ARHGAP39: variants seen among roughly 807,000 people sequenced by gnomAD.
ARHGAP39 encodes the protein Rho GTPase activating protein 39, also known as rho GTPase-activating protein 39.
Under a neutral mutation model 106.9 loss-of-function variants are expected in ARHGAP39, and 44 were observed. That is an observed-to-expected ratio of 0.41 (90% CI 0.32 to 0.53). The LOEUF (loss-of-function observed/expected upper bound fraction) is 0.53. ARHGAP39 is among the 20% of genes least tolerant of loss of function. ARHGAP39 has a pLI of 0.21. For synonymous variants in ARHGAP39, 768 were observed against 693.2 expected (o/e 1.11, Z -1.69); for missense variants, 1,496 against 1,577.3 (o/e 0.95, Z 0.87).
At chr8:144,624,067 A>G (rs1820875663) in intron 1 of ARHGAP39, among the ~76,000 whole-genome samples, 3 of 152,184 alleles carry the variant, frequency 2.0e-5, no homozygotes, top group Non-Finnish European at 2.9e-5. Context: ...TCCACCCATC[A>G]GAAAGAGCCC....
rs897741455 is a variant in ARHGAP39, at chr8:144,604,054, C to A, written c.80+1481G>T. Among the ~76,000 whole-genome samples the A allele has an allele frequency of 1.3e-5, 2 of 152,234 alleles. No homozygotes were observed. Among genetic ancestry groups the A allele is most frequent in the Admixed American group, 6.5e-5 (1 of 15,290 alleles). On this transcript the variant is annotated intron_variant, in intron 2 of 11. Coordinates refer to ENST00000377307, the MANE Select transcript of ARHGAP39 (RefSeq NM_025251.3). This position sits in a 1 kb window ranked among gnomAD's most constrained non-coding sequence, Gnocchi z 4.1. Reference sequence around the variant, plus strand: ...ACGAACAAACGAATGAACAAGGAGACAGCAGGACTCCTGCTCAGGTCAAGG... The same window carrying A: ...ACGAACAAACGAATGAACAAGGAGAAAGCAGGACTCCTGCTCAGGTCAAGG...
intron 1 of ARHGAP39, among the ~76,000 whole-genome samples, chr8:144,638,725 A>G (rs1466590377): frequency 6.6e-6 from 1 of 152,194 alleles, no homozygotes; most frequent in East Asian, 1.9e-4. Context: ...TTAAGTCCCT[A>G]GTACCTCAAT....
chr8:144,553,311 T>C (rs1158615845), intron 4 of ARHGAP39, among the ~76,000 whole-genome samples: 1 of 152,138 alleles, frequency 6.6e-6, no homozygotes, highest in African/African-American at 2.4e-5. Flanking sequence ...AAGCCCTAGA[T>C]CATAGCAAGA....
In ARHGAP39 at chr8:144,642,080, C is replaced by T. The variant is rs181172789; in HGVS notation, c.-81-36385G>A. Among the ~76,000 whole-genome samples, 6 of 152,366 alleles carry T rather than the reference C, an allele frequency of 3.9e-5. No homozygotes were observed. In the East Asian group the frequency reaches 9.6e-4, roughly 24 times the overall value. On this transcript the variant is annotated intron_variant, in intron 1 of 11. Transcript: ENST00000377307. ...ACTAACACAGATGTGGCTTACACCT[C>T]TGATCTCAGCACTTTGGGATGCTGA...
intron 11 of ARHGAP39, 40 bp downstream of exon 11, chr8:144,530,662 G>A (rs759598234): frequency 2.3e-5 from 35 of 1,526,020 alleles, no homozygotes; most frequent in Non-Finnish European, 2.9e-5. Context: ...GGGCGGGGCG[G>A]GGAGGGGAAA....
intron 1 of ARHGAP39, among the ~76,000 whole-genome samples, chr8:144,640,889 C>A (rs1439471719): frequency 6.6e-6 from 1 of 152,214 alleles, no homozygotes; most frequent in Non-Finnish European, 1.5e-5. Flanking sequence ...CCGATTCACA[C>A]AGTTAGTTGT....
At chr8:144,559,105 G>A (rs1248157641) in intron 3 of ARHGAP39, among the ~76,000 whole-genome samples, 2 of 152,066 alleles carry the variant, frequency 1.3e-5, no homozygotes, top group African/African-American at 2.4e-5. Flanking sequence ...CTACTCGGGA[G>A]GCTGAGGCAG....
At chr8:144,668,633 C>T (rs897709262) in intron 1 of ARHGAP39, among the ~76,000 whole-genome samples, 6 of 151,988 alleles carry the variant, frequency 3.9e-5, no homozygotes, top group African/African-American at 1.5e-4. Flanking sequence ...CTGAAAACTA[C>T]AAAACATTGT....
intron 1 of ARHGAP39, among the ~76,000 whole-genome samples, chr8:144,675,303 G>A (rs1412385878): frequency 1.3e-5 from 2 of 152,178 alleles, no homozygotes; most frequent in African/African-American, 4.8e-5. Context: ...CATGATCTCG[G>A]CTAACTGCAA....
rs1816621482 is a variant in ARHGAP39 at position 144,530,270 on chromosome 8, G to A, written c.*152C>T. On this transcript the variant is annotated 3_prime_UTR_variant, in exon 12 of 12. Coordinates refer to ENST00000377307, the MANE Select transcript of ARHGAP39 (RefSeq NM_025251.3). ...GGCTGCACCCTCAGACCAGGCAGAA[G>A]ACGTGGGGAGCGCCGGGGCCAGGGG... is the stretch of plus-strand genomic sequence containing the variant. 2 of 837,666 alleles carry A rather than the reference G, an allele frequency of 2.4e-6. No individual in the cohort carries two copies. Among genetic ancestry groups the A allele is most frequent in the Admixed American group, 2.8e-5 (1 of 35,314 alleles). The allele number at this position is 837,666 out of a possible 1,614,324, so 51.9% of individuals were successfully genotyped here.
At chr8:144,545,131 C>T (rs568381493) in intron 6 of ARHGAP39, 118 bp downstream of exon 6, 73 of 979,730 alleles carry the variant, frequency 7.5e-5, no homozygotes, top group South Asian at 3.0e-4. Flanking sequence ...AGGTGTGTGT[C>T]GAACCATGGC....
intron 1 of ARHGAP39, among the ~76,000 whole-genome samples, chr8:144,665,039 C>T (rs1371198266): frequency 6.6e-6 from 1 of 152,150 alleles, no homozygotes; most frequent in Non-Finnish European, 1.5e-5. Flanking sequence ...GACAAAAATG[C>T]CGATAGTGAT....
intron 3 of ARHGAP39, among the ~76,000 whole-genome samples, chr8:144,559,406 T>C (rs1002524610): frequency 1.5e-5 from 2 of 136,502 alleles, no homozygotes; most frequent in Admixed American, 1.5e-4. Context: ...AGCAGTGTAG[T>C]ACTAGTAGAT....
chr8:144,669,506 C>CAAAAAAAAAAAAAAAAAAAAAAAAAAA (rs55678140), intron 1 of ARHGAP39, among the ~76,000 whole-genome samples: 2 of 59,746 alleles, frequency 3.3e-5, no homozygotes, highest in African/African-American at 1.3e-4. Context: ...GACTCGGTCT[C>CAAAAAAAAAAAAAAAAAAAAAAAAAAA]AAAAAAAAAA....
chr8:144,559,146 T>TA (rs1818049920), intron 3 of ARHGAP39, among the ~76,000 whole-genome samples: 1 of 151,790 alleles, frequency 6.6e-6, no homozygotes, highest in South Asian at 2.1e-4. Context: ...GGGCAGAGCT[T>TA]ACAGTGAGCC....
intron 3 of ARHGAP39, among the ~76,000 whole-genome samples, chr8:144,569,359 T>C (rs895212997): frequency 3.3e-5 from 5 of 152,254 alleles, no homozygotes; most frequent in Non-Finnish European, 5.9e-5. Context: ...TGAATGTTCA[T>C]AGCAGTTTTA....
chr8:144,530,975 C>G lies in ARHGAP39; in HGVS notation c.2981-104G>C, dbSNP rs538116327. 3.6e-6 allele frequency: 5 copies of G among 1,403,554 alleles called. No homozygotes were observed. The South Asian group carries it at 4.1e-5, about 12-fold the overall frequency. The allele number at this position is 1,403,554 out of a possible 1,614,324, so 86.9% of individuals were successfully genotyped here. Reference sequence around the variant, plus strand: ...ATGGAGGGGTGCTGTGGGGGACAGGCTGGGAGGGCCGGCTCATTCTGGACA... The same window carrying G: ...ATGGAGGGGTGCTGTGGGGGACAGGGTGGGAGGGCCGGCTCATTCTGGACA... On this transcript the variant is annotated intron_variant, in intron 10 of 11. Coordinates refer to ENST00000377307, the MANE Select transcript of ARHGAP39 (RefSeq NM_025251.3).
intron 2 of ARHGAP39, among the ~76,000 whole-genome samples, chr8:144,590,724 T>A (rs1057441900): frequency 6.6e-6 from 1 of 151,270 alleles, no homozygotes; most frequent in Admixed American, 6.6e-5. Context: ...ACTGAAGGGG[T>A]CTTTGTCAGC....
chr8:144,629,878 T>A (rs1421723453), intron 1 of ARHGAP39, among the ~76,000 whole-genome samples: 1 of 151,850 alleles, frequency 6.6e-6, no homozygotes, highest in Non-Finnish European at 1.5e-5. Context: ...TGGGGGCACA[T>A]CCTGAGGGAT....
Sources: allele counts gnomAD v4.1 joint callset (sites outside exome capture counted in the v4.1 genomes callset), GRCh38; gene constraint gnomAD v4.1.1; non-coding constraint Gnocchi (gnomAD v3.1); transcripts MANE v1.5; gene names NCBI Gene and HGNC (gene_info 2026-07-23, HGNC 2026-07-21).